Variants in NUP210 observed in about 807,000 individuals in gnomAD.
The protein encoded by NUP210 is nucleoporin 210.
NUP210 carries 151 observed loss-of-function variants against 196.0 expected under a neutral mutation model. The observed-to-expected ratio is 0.77, with a 90% CI of 0.67 to 0.88. The LOEUF (loss-of-function observed/expected upper bound fraction) is 0.88. Ranked by LOEUF, NUP210 falls within the 40% of genes least tolerant of loss-of-function variation. NUP210 has a pLI of 0.00. For missense variants in NUP210, 2,314 were observed against 2,493.7 expected (o/e 0.93, Z 1.53); for synonymous variants, 1,070 against 1,052.7 (o/e 1.02, Z -0.32).
intron 1 of NUP210, among the ~76,000 whole-genome samples, chr3:13,417,929 T>A (rs780099425): frequency 1.3e-5 from 2 of 152,134 alleles, no homozygotes; most frequent in African/African-American, 2.4e-5. Context: ...GGGAAAAAAG[T>A]GTTGTTAGTT....
At chr3:13,370,506 C>G (rs898771576) in intron 13 of NUP210, among the ~76,000 whole-genome samples, 1 of 152,166 alleles carries the variant, frequency 6.6e-6, no homozygotes, top group African/African-American at 2.4e-5. Flanking sequence ...ACTTTCCTCC[C>G]GGGGACCTGA....
At chr3:13,377,417 C>A (rs370070753) in intron 9 of NUP210, 39 bp downstream of exon 9, 1 of 1,459,354 alleles carries the variant, frequency 6.9e-7, no homozygotes, top group Non-Finnish European at 9.6e-7. Context: ...ACAACGACCC[C>A]ACCTCATCCC....
intron 1 of NUP210, among the ~76,000 whole-genome samples, chr3:13,405,200 C>A (rs1336785298): frequency 6.6e-6 from 1 of 152,162 alleles, no homozygotes; most frequent in Non-Finnish European, 1.5e-5. Context: ...AAAGTAGATG[C>A]CACCTAATGT....
At chr3:13,363,904 G>A (rs1434917512) in intron 14 of NUP210, among the ~76,000 whole-genome samples, 1 of 152,122 alleles carries the variant, frequency 6.6e-6, no homozygotes, top group African/African-American at 2.4e-5. Flanking sequence ...GAGCCAGGAG[G>A]GGCCCTGAAG....
intron 13 of NUP210, among the ~76,000 whole-genome samples, chr3:13,367,960 T>G (rs1698597846): frequency 6.6e-6 from 1 of 152,234 alleles, no homozygotes; most frequent in Non-Finnish European, 1.5e-5. Flanking sequence ...AGGGCGTGCA[T>G]GTGTTTAGCT....
Position 13,353,946 on chromosome 3 carries a change from C to G in NUP210, c.2490G>C (p.Gln830His), listed in dbSNP as rs745516968. The G allele has an allele frequency of 1.3e-5, 21 of 1,610,256 alleles. No homozygotes were observed. Among genetic ancestry groups the G allele is most frequent in the Admixed American group, 1.7e-5 (1 of 59,696 alleles). ...GCTTCTTTTGGCCACTCTCATCGTC[C>G]TGGGACACCAGCTGCATGGGCAGCT... ...EPELPMQLVS[Q>H]DDESGQKKLH... is the part of the protein sequence containing the mutation. The change falls in exon 17 of 40, where the codon CAG (glutamine) becomes CAC (histidine). Residue 830 changes from glutamine to histidine, a missense_variant. Gln to His is a conservative substitution (Grantham distance 24, BLOSUM62 0). Transcript: ENST00000254508.
rs653353 is a variant in NUP210 at position 13,317,548 on chromosome 3, G to A, written c.*133C>T. ...AAACTACAGCTCTGTGTGAAGAGAC[G>A]GCAGTGAAGCTGGCCTGGGGCCGGG... On this transcript the variant is annotated 3_prime_UTR_variant, in exon 40 of 40. Transcript: ENST00000254508. 4.2e-5 allele frequency: 29 copies of A among 691,760 alleles called. No homozygotes were observed. The highest frequency in any genetic ancestry group is 3.3e-4 in the African/African-American group (19 of 57,008). 42.9% of individuals were successfully genotyped at this position (691,760 alleles called of 1,614,324 possible). A position where few individuals can be genotyped will look rare whatever the true frequency, so the allele number is the denominator to read the frequency against.
chr3:13,326,499 G>A (rs1696759844), intron 32 of NUP210, among the ~76,000 whole-genome samples: 1 of 151,986 alleles, frequency 6.6e-6, no homozygotes, highest in African/African-American at 2.4e-5. Context: ...TTTCCTTAAA[G>A]GTAGTATTTC....
At position 13,317,535 on chromosome 3, in the gene NUP210, TG is replaced by T. The variant is rs1314439390; in HGVS notation, c.*145del. 1.5e-6 allele frequency: 1 copy of T among 664,448 alleles called. No homozygotes were observed. Among genetic ancestry groups the T allele is most frequent in the African/African-American group, 1.8e-5 (1 of 56,080 alleles). 41.2% of individuals were successfully genotyped at this position (664,448 alleles called of 1,614,324 possible). ...ATGGGCAGAGCCGAAACTACAGCTC[TG>T]TGTGAAGAGACGGCAGTGAAGCTGG... On this transcript the variant is annotated 3_prime_UTR_variant, in exon 40 of 40. Coordinates refer to ENST00000254508, the MANE Select transcript of NUP210 (RefSeq NM_024923.4).
At chr3:13,407,862 A>C (rs1421687923) in intron 1 of NUP210, among the ~76,000 whole-genome samples, 5 of 152,218 alleles carry the variant, frequency 3.3e-5, no homozygotes, top group Non-Finnish European at 7.3e-5. Flanking sequence ...CAAGGACACA[A>C]CTAAGTACAG....
At chr3:13,362,273 T>C (rs1398713287) in intron 14 of NUP210, among the ~76,000 whole-genome samples, 1 of 152,186 alleles carries the variant, frequency 6.6e-6, no homozygotes, top group African/African-American at 2.4e-5. Context: ...TGGGTTCTTT[T>C]ATAAGGGCAC....
At chr3:13,388,922 T>C (rs1007484104) in intron 4 of NUP210, among the ~76,000 whole-genome samples, 1 of 152,210 alleles carries the variant, frequency 6.6e-6, no homozygotes, top group Admixed American at 6.5e-5. Context: ...CGATTCTCCA[T>C]GACTGGTCCC....
At chr3:13,333,055 C>G (rs1404436571) in intron 28 of NUP210, among the ~76,000 whole-genome samples, 1 of 152,166 alleles carries the variant, frequency 6.6e-6, no homozygotes, top group Non-Finnish European at 1.5e-5. Flanking sequence ...CTCTGGCTGG[C>G]TCTGGCCATG....
chr3:13,323,570 A>C lies in NUP210; in HGVS notation c.4645-138T>G. ...GTGGCAACACTGAGGCTCAAAGCCT[A>C]AACGCCTTGCTAGAATGTGGCAGAG... On this transcript the variant is annotated intron_variant, in intron 33 of 39. Transcript: ENST00000254508. The surrounding 1 kb of genome is among the most constrained non-coding windows in gnomAD (Gnocchi z 4.3). The C allele has an allele frequency of 1.1e-6, 1 of 929,636 alleles. No homozygotes were observed. The highest frequency in any genetic ancestry group is 1.6e-6 in the Non-Finnish European group (1 of 624,204). 57.6% of individuals were successfully genotyped at this position (929,636 alleles called of 1,614,324 possible). A position where few individuals can be genotyped will look rare whatever the true frequency, so the allele number is the denominator to read the frequency against.
At chr3:13,382,166 G>A (rs1171729850) in intron 6 of NUP210, among the ~76,000 whole-genome samples, 2 of 152,200 alleles carry the variant, frequency 1.3e-5, no homozygotes, top group East Asian at 1.9e-4. Context: ...TTCAGATACT[G>A]ATTCGATCAG....
rs191975509 is a variant in NUP210, at chr3:13,350,524, A to C, written c.2835+1355T>G. Among the ~76,000 whole-genome samples the C allele has an allele frequency of 3.3e-5, 5 of 152,240 alleles. No homozygotes were observed. Among genetic ancestry groups the C allele is most frequent in the African/African-American group, 1.2e-4 (5 of 41,526 alleles). Reference sequence around the variant, plus strand: ...AAACATGACCCGTACTCCAGAAAAAAGGCAGATGACAGAAACTGTCTGTGA... The same window carrying C: ...AAACATGACCCGTACTCCAGAAAAACGGCAGATGACAGAAACTGTCTGTGA... On this transcript the variant is annotated intron_variant, in intron 20 of 39. Coordinates refer to ENST00000254508, the MANE Select transcript of NUP210 (RefSeq NM_024923.4). The surrounding 1 kb of genome is among the most constrained non-coding windows in gnomAD (Gnocchi z 4.1).
Position 13,322,607 on chromosome 3 carries a change from G to A in NUP210, c.4769-268C>T, listed in dbSNP as rs144231716. Reference sequence around the variant, plus strand: ...TTCCAGACCTTGCATCCAGGGGCACGGCAGACGGGCTAGGCCCACTAATGC... The same window carrying A: ...TTCCAGACCTTGCATCCAGGGGCACAGCAGACGGGCTAGGCCCACTAATGC... On this transcript the variant is annotated intron_variant, in intron 34 of 39. Transcript: ENST00000254508. Among the ~76,000 whole-genome samples the A allele has an allele frequency of 1.9e-3, 288 of 152,366 alleles. 2 individuals carry two copies. Among genetic ancestry groups the A allele is most frequent in the Non-Finnish European group, 3.3e-3 (226 of 68,040 alleles).
At chr3:13,390,513 G>T (rs932802879) in intron 4 of NUP210, among the ~76,000 whole-genome samples, 1 of 152,248 alleles carries the variant, frequency 6.6e-6, no homozygotes, top group Non-Finnish European at 1.5e-5. Context: ...CCATTGACAG[G>T]AGGCTTATGC....
At chr3:13,395,326 G>A (rs1699617212) in intron 3 of NUP210, among the ~76,000 whole-genome samples, 1 of 152,208 alleles carries the variant, frequency 6.6e-6, no homozygotes, top group African/African-American at 2.4e-5. Flanking sequence ...TGGAGATCAT[G>A]GCACCTTCAC....
Sources: gnomAD v4.1 joint callset for allele counts (sites outside exome capture counted in the v4.1 genomes callset) on GRCh38, gnomAD v4.1.1 for gene constraint, Gnocchi (gnomAD v3.1) non-coding constraint, MANE v1.5 for transcripts, NCBI Gene and HGNC (gene_info 2026-07-23, HGNC 2026-07-21) for gene names.